GRIN2A: variants seen among roughly 807,000 people sequenced by gnomAD.
GRIN2A encodes the protein glutamate receptor ionotropic, NMDA 2A.
GRIN2A carries 22 observed loss-of-function variants against 113.4 expected under a neutral mutation model. The ratio of observed to expected loss-of-function variants is 0.19; its 90% CI spans 0.14 to 0.28. The LOEUF is 0.28. Among genes scored for constraint, GRIN2A ranks in the 10% least tolerant of loss-of-function variants. The pLI, the probability that GRIN2A is intolerant of heterozygous loss-of-function variation, is 1.00. For missense variants in GRIN2A, 1,502 were observed against 1,887.0 expected, an observed-to-expected ratio of 0.80 and a Z score of 3.78; for synonymous variants, 827 against 738.4, an observed-to-expected ratio of 1.12 and a Z score of -1.94.
At chr16:9,871,841 C>A (rs777766359) in intron 4 of GRIN2A, among the ~76,000 whole-genome samples, 1 of 152,110 alleles carries the variant, frequency 6.6e-6, no homozygotes, top group Non-Finnish European at 1.5e-5. Flanking sequence ...CACTTAAATT[C>A]TCTATCTCCC....
chr16:10,060,346 T>G lies in GRIN2A; in HGVS notation c.414+119652A>C, dbSNP rs535324638. On this transcript the variant is annotated intron_variant, in intron 2 of 12. Transcript: ENST00000330684. ...TCACGTTTTCTGATGTTGCCTCAGT[T>G]CTGTCCCACACATTATCTGTTTAGC... is the stretch of plus-strand genomic sequence containing the variant. 2.0e-5 allele frequency among the ~76,000 whole-genome samples: 3 copies of G among 152,304 alleles called. No individual in the cohort carries two copies. The East Asian group carries it at 5.8e-4, about 29-fold the overall frequency.
chr16:10,064,670 G>C (rs2047613718), intron 2 of GRIN2A, among the ~76,000 whole-genome samples: 1 of 152,220 alleles, frequency 6.6e-6, no homozygotes, highest in African/African-American at 2.4e-5. Context: ...AGATGTCATA[G>C]TTCAATAGAC....
intron 2 of GRIN2A, among the ~76,000 whole-genome samples, chr16:10,163,382 T>C (rs1307970946): frequency 6.6e-6 from 1 of 152,152 alleles, no homozygotes; most frequent in Non-Finnish European, 1.5e-5. Flanking sequence ...CTACCTCCCT[T>C]TTTCAGGGCA....
intron 9 of GRIN2A, among the ~76,000 whole-genome samples, chr16:9,827,814 T>C (rs1189559789): frequency 6.6e-6 from 1 of 152,118 alleles, no homozygotes; most frequent in African/African-American, 2.4e-5. Flanking sequence ...AGCAAGAGTG[T>C]CCTGAGCACC....
At chr16:9,932,058 A>G (rs2044605565) in intron 3 of GRIN2A, among the ~76,000 whole-genome samples, 1 of 152,184 alleles carries the variant, frequency 6.6e-6, no homozygotes, top group Non-Finnish European at 1.5e-5. Context: ...AGTCACCCAG[A>G]TCCTACTCCT....
intron 11 of GRIN2A, among the ~76,000 whole-genome samples, chr16:9,781,114 C>T (rs1030932049): frequency 2.0e-5 from 3 of 151,358 alleles, no homozygotes; most frequent in Non-Finnish European, 1.5e-5. Context: ...ATAGACAATG[C>T]GTAATACAGG....
intron 2 of GRIN2A, among the ~76,000 whole-genome samples, chr16:10,130,710 T>A (rs1236106861): frequency 6.6e-6 from 1 of 152,164 alleles, no homozygotes; most frequent in Non-Finnish European, 1.5e-5. Context: ...CCCAGGGGAC[T>A]CTCTCTCTCC....
At chr16:10,177,170 G>A (rs971347926) in intron 2 of GRIN2A, among the ~76,000 whole-genome samples, 1 of 152,180 alleles carries the variant, frequency 6.6e-6, no homozygotes, top group Non-Finnish European at 1.5e-5. Context: ...TGAAACATGT[G>A]GCAGAAGCAC....
At chr16:9,807,250 GGGGAGAGA>G (rs1181349165) in intron 10 of GRIN2A, among the ~76,000 whole-genome samples, 2 of 41,562 alleles carry the variant, frequency 4.8e-5, no homozygotes, top group African/African-American at 2.2e-4. Flanking sequence ...GAGGGAGGGA[GGGGAGAGA>G]GGGAGGGAGG....
At chr16:9,779,231 C>T (rs1207077199) in intron 11 of GRIN2A, among the ~76,000 whole-genome samples, 1 of 152,210 alleles carries the variant, frequency 6.6e-6, no homozygotes, top group Non-Finnish European at 1.5e-5. Context: ...GGGGCTTCAG[C>T]CATTTGGGTG....
At chr16:10,014,435 A>G (rs964191400) in intron 2 of GRIN2A, among the ~76,000 whole-genome samples, 1 of 152,194 alleles carries the variant, frequency 6.6e-6, no homozygotes, top group African/African-American at 2.4e-5. Context: ...ATTTCTTAGA[A>G]AACTCGGGTC....
At chr16:10,078,943 T>C (rs1015205644) in intron 2 of GRIN2A, among the ~76,000 whole-genome samples, 3 of 152,236 alleles carry the variant, frequency 2.0e-5, no homozygotes, top group Admixed American at 2.0e-4. Context: ...AGTGTCTTTC[T>C]GTTTTTCACC....
intron 11 of GRIN2A, among the ~76,000 whole-genome samples, chr16:9,784,588 A>G (rs962655497): frequency 6.6e-6 from 1 of 152,164 alleles, no homozygotes; most frequent in African/African-American, 2.4e-5. Context: ...AAATTGACAA[A>G]TGGGATCTAA....
intron 2 of GRIN2A, among the ~76,000 whole-genome samples, chr16:10,058,254 A>AAAAAAAACCAAAAAAC (rs1380837090): frequency 6.6e-6 from 1 of 151,730 alleles, no homozygotes; most frequent in Non-Finnish European, 1.5e-5. Flanking sequence ...ACACTGTCTC[A>AAAAAAAACCAAAAAAC]AAAAAAACCA....
chr16:9,831,296 C>G (rs566653494), intron 8 of GRIN2A, among the ~76,000 whole-genome samples: 1 of 152,222 alleles, frequency 6.6e-6, no homozygotes, highest in South Asian at 2.1e-4. Context: ...AAATGTAACT[C>G]AGATTTACCT....
At chr16:9,814,978 G>A (rs2042158285) in intron 10 of GRIN2A, among the ~76,000 whole-genome samples, 1 of 147,766 alleles carries the variant, frequency 6.8e-6, no homozygotes, top group Non-Finnish European at 1.5e-5. Flanking sequence ...CCGAGATTGT[G>A]CCATTGCACT....
chr16:10,101,592 T>C lies in GRIN2A; in HGVS notation c.414+78406A>G, dbSNP rs1385671236. 3.9e-5 allele frequency among the ~76,000 whole-genome samples: 6 copies of C among 152,196 alleles called. No homozygotes were observed. The South Asian group carries it at 8.3e-4, about 21-fold the overall frequency. On this transcript the variant is annotated intron_variant, in intron 2 of 12. Coordinates refer to ENST00000330684, the MANE Select transcript of GRIN2A (RefSeq NM_001134407.3). ...TCATTTAGGTGGTGATGTTGCCAGT[T>C]CTTCTCCCCTCTGGCCAACACCTCT...
In GRIN2A at chr16:9,901,773, A is replaced by G. The variant is rs76064218; in HGVS notation, c.1008-10673T>C. Among the ~76,000 whole-genome samples, 1,505 of 152,306 alleles carry G rather than the reference A, an allele frequency of 9.9e-3. 24 individuals are homozygous for G. The highest frequency in any genetic ancestry group is 0.034 in the African/African-American group (1,417 of 41,562). On this transcript the variant is annotated intron_variant, in intron 3 of 12. Transcript: ENST00000330684. ...ACGCCTGACCAGGGAAAATATCTTT[A>G]TATTAATCAATTAAACAAATAAACT... is the stretch of plus-strand genomic sequence containing the variant.
chr16:9,812,513 C>T (rs2042106187), intron 10 of GRIN2A, among the ~76,000 whole-genome samples: 2 of 152,030 alleles, frequency 1.3e-5, no homozygotes, highest in African/African-American at 4.8e-5. Flanking sequence ...GTGGTGCACC[C>T]CTGTAATCCC....
Sources: allele counts gnomAD v4.1 joint callset (sites outside exome capture counted in the v4.1 genomes callset), GRCh38; gene constraint gnomAD v4.1.1; transcripts MANE v1.5; gene names NCBI Gene and HGNC (gene_info 2026-07-23, HGNC 2026-07-21).